PDGFRL: variants seen among roughly 807,000 people sequenced by gnomAD.
PDGFRL encodes the protein platelet derived growth factor receptor like, also known as platelet-derived growth factor receptor-like protein.
In PDGFRL, 46 loss-of-function variants were observed where a neutral mutation model predicts 37.2. The observed-to-expected ratio is 1.24, with a 90% CI of 0.98 to 1.58. PDGFRL has a LOEUF of 1.58. Among genes scored for constraint, PDGFRL ranks in the 40% most tolerant of loss-of-function variants. PDGFRL has a pLI of 0.00. For missense variants in PDGFRL, 692 were observed against 467.6 expected (o/e 1.48, Z -4.43); for synonymous variants, 251 against 184.3 (o/e 1.36, Z -2.93).
At chr8:17,603,378 G>T (rs1432782893) in intron 2 of PDGFRL, among the ~76,000 whole-genome samples, 1 of 152,150 alleles carries the variant, frequency 6.6e-6, no homozygotes, top group South Asian at 2.1e-4. Context: ...TCCCCTGCTG[G>T]GTCTTTCAGG....
At chr8:17,623,748 G>C (rs2588102) in intron 3 of PDGFRL, among the ~76,000 whole-genome samples, 150,197 of 152,018 alleles carry the variant, frequency 0.99, 74,232 homozygotes, top group East Asian at 1. Flanking sequence ...GTGGTGCACA[G>C]TTGTGCTCCC....
chr8:17,592,907 C>A (rs868517039), intron 2 of PDGFRL, among the ~76,000 whole-genome samples: 8 of 113,192 alleles, frequency 7.1e-5, no homozygotes, highest in Middle Eastern at 4.1e-3. Flanking sequence ...TTCTTAAACC[C>A]ACATACATGC....
rs1356419901 is a variant in PDGFRL at position 17,590,253 on chromosome 8, A to AAAAAAAG, written c.353+491_353+492insAAAGAAA. On this transcript the variant is annotated intron_variant, in intron 2 of 5. Coordinates refer to ENST00000251630, the MANE Select transcript of PDGFRL (RefSeq NM_001372073.1). ...CTCCATCTCAAAAAAAAAAAAAAAAAAAATTGCAAATCCTACCAACATTTG... is the reference window on the plus strand; with the variant it reads ...CTCCATCTCAAAAAAAAAAAAAAAAAAAAAAAGAAATTGCAAATCCTACCAACATTTG... 2.4e-4 allele frequency among the ~76,000 whole-genome samples: 34 copies of AAAAAAAG among 144,622 alleles called. 1 individual carries two copies. Among genetic ancestry groups the AAAAAAAG allele is most frequent in the South Asian group, 1.4e-3 (6 of 4,346 alleles). 94.9% of individuals were successfully genotyped at this position (144,622 alleles called of 152,430 possible). A position where few individuals can be genotyped will look rare whatever the true frequency, so the allele number is the denominator to read the frequency against.
At chr8:17,634,511 A>T (rs1327155111) in intron 5 of PDGFRL, among the ~76,000 whole-genome samples, 2 of 152,106 alleles carry the variant, frequency 1.3e-5, no homozygotes, top group Non-Finnish European at 2.9e-5. Context: ...TTAAGTAAGA[A>T]AGGACAGTAA....
At chr8:17,607,669 C>T (rs1585315167) in intron 2 of PDGFRL, among the ~76,000 whole-genome samples, 3 of 152,128 alleles carry the variant, frequency 2.0e-5, no homozygotes, top group Non-Finnish European at 4.4e-5. Context: ...TGAAATGTTG[C>T]TTTAACAAGT....
At position 17,583,052 on chromosome 8, in the gene PDGFRL, C is replaced by T. The variant is rs543333910; in HGVS notation, c.55+5745C>T. Among the ~76,000 whole-genome samples, 23 of 152,250 alleles carry T rather than the reference C, an allele frequency of 1.5e-4. No homozygotes were observed. The East Asian group carries it at 4.4e-3, about 29-fold the overall frequency. On this transcript the variant is annotated intron_variant, in intron 1 of 5. Coordinates refer to ENST00000251630, the MANE Select transcript of PDGFRL (RefSeq NM_001372073.1). ...AGAACAGAGAGGTTGCTCCAGAGGG[C>T]ACAAGTTATAAATAAACCTTGGAGG... is the stretch of plus-strand genomic sequence containing the variant.
At chr8:17,595,967 G>T (rs1206215895) in intron 2 of PDGFRL, among the ~76,000 whole-genome samples, 4 of 152,218 alleles carry the variant, frequency 2.6e-5, no homozygotes, top group African/African-American at 7.2e-5. Context: ...GCCTCCAGTG[G>T]GTGAAACCTG....
intron 4 of PDGFRL, 41 bp downstream of exon 4, chr8:17,628,821 T>C: frequency 6.8e-7 from 1 of 1,463,396 alleles, no homozygotes; most frequent in Non-Finnish European, 9.5e-7. Context: ...GTTAGTCCCC[T>C]GGTCAGTTTC....
chr8:17,619,559 A>G (rs1804591495), intron 2 of PDGFRL, among the ~76,000 whole-genome samples: 1 of 152,254 alleles, frequency 6.6e-6, no homozygotes, highest in Non-Finnish European at 1.5e-5. Context: ...CTGTATGCAT[A>G]CTTTGGGCTC....
intron 2 of PDGFRL, among the ~76,000 whole-genome samples, chr8:17,595,600 G>T (rs1012343073): frequency 6.6e-6 from 1 of 152,178 alleles, no homozygotes; most frequent in African/African-American, 2.4e-5. Flanking sequence ...GTCTCTGCGT[G>T]GCTGAGCCCA....
chr8:17,616,626 C>T (rs551871413), intron 2 of PDGFRL, among the ~76,000 whole-genome samples: 22 of 152,226 alleles, frequency 1.4e-4, no homozygotes, highest in African/African-American at 4.6e-4. Flanking sequence ...TGCATGCCCT[C>T]GATTTGCGCA....
chr8:17,604,961 A>T (rs2129678403), intron 2 of PDGFRL, among the ~76,000 whole-genome samples: 1 of 152,210 alleles, frequency 6.6e-6, no homozygotes, highest in African/African-American at 2.4e-5. Flanking sequence ...GAAAAAAGAT[A>T]CACAAATTAG....
intron 2 of PDGFRL, among the ~76,000 whole-genome samples, chr8:17,598,881 C>T (rs752100651): frequency 6.6e-6 from 1 of 152,180 alleles, no homozygotes; most frequent in African/African-American, 2.4e-5. Context: ...CTCATTCTCT[C>T]TTGCCAGCTA....
upstream of PDGFRL, chr8:17,577,150 C>T (rs551609374): frequency 1.0e-4 from 158 of 1,508,584 alleles, no homozygotes; most frequent in African/African-American, 2.0e-3. Flanking sequence ...CGAATCCTCC[C>T]GCTTCGGCGT....
chr8:17,615,768 A>T (rs1804510699), intron 2 of PDGFRL, among the ~76,000 whole-genome samples: 1 of 152,206 alleles, frequency 6.6e-6, no homozygotes, highest in Non-Finnish European at 1.5e-5. Flanking sequence ...ATGTAAAAAA[A>T]TTAGCCGGAT....
At chr8:17,637,482 T>A (rs1804995976) in intron 5 of PDGFRL, among the ~76,000 whole-genome samples, 1 of 152,234 alleles carries the variant, frequency 6.6e-6, no homozygotes, top group Admixed American at 6.5e-5. Flanking sequence ...AGTATTTTGT[T>A]AAGGATTTTT....
At chr8:17,639,758 TGAC>T (rs892221266) in intron 5 of PDGFRL, among the ~76,000 whole-genome samples, 1 of 152,180 alleles carries the variant, frequency 6.6e-6, no homozygotes, top group South Asian at 2.1e-4. Flanking sequence ...TGTGCCTAGG[TGAC>T]GATCTTTTTG....
chr8:17,635,770 T>C (rs1207256136), intron 5 of PDGFRL, among the ~76,000 whole-genome samples: 1 of 152,216 alleles, frequency 6.6e-6, no homozygotes, highest in African/African-American at 2.4e-5. Context: ...TTTCACCACA[T>C]CCATGCCAAC....
At chr8:17,606,159 C>T (rs2129685317) in intron 2 of PDGFRL, among the ~76,000 whole-genome samples, 1 of 148,990 alleles carries the variant, frequency 6.7e-6, no homozygotes, top group Middle Eastern at 3.4e-3. Flanking sequence ...GGAGAGTACT[C>T]TGGTGTTATG....
Sources: allele counts gnomAD v4.1 joint callset (sites outside exome capture counted in the v4.1 genomes callset), GRCh38; gene constraint gnomAD v4.1.1; transcripts MANE v1.5; gene names NCBI Gene and HGNC (gene_info 2026-07-23, HGNC 2026-07-21).